Variants in RCL1 observed in about 807,000 individuals in gnomAD.
The protein encoded by RCL1 is RNA terminal phosphate cyclase like 1.
Under a neutral mutation model 42.4 loss-of-function variants are expected in RCL1, and 24 were observed. The ratio of observed to expected loss-of-function variants is 0.57; its 90% confidence interval spans 0.41 to 0.80. The LOEUF is 0.80. RCL1 is among the 30% of genes least tolerant of loss of function. The probability of loss-of-function intolerance (pLI) is 0.00; values close to 1 mark genes in which losing one functional copy is unlikely to be tolerated. For synonymous variants in RCL1, 228 were observed against 177.3 expected (o/e 1.29, Z -2.27); for missense variants, 578 against 467.9 (o/e 1.24, Z -2.17).
intron 8 of RCL1, among the ~76,000 whole-genome samples, chr9:4,853,703 G>C (rs191495329): frequency 6.6e-6 from 1 of 152,286 alleles, no homozygotes; most frequent in Non-Finnish European, 1.5e-5. Context: ...AGGATGCCAT[G>C]CTACATCTTT....
At chr9:4,812,418 C>G (rs1165906882) in intron 1 of RCL1, among the ~76,000 whole-genome samples, 1 of 151,752 alleles carries the variant, frequency 6.6e-6, no homozygotes, top group African/African-American at 2.4e-5. Context: ...TTCCCAGGAC[C>G]ATTATGTATA....
At chr9:4,808,480 G>GT (rs1480581513) in intron 1 of RCL1, among the ~76,000 whole-genome samples, 3 of 151,862 alleles carry the variant, frequency 2.0e-5, no homozygotes, top group Non-Finnish European at 4.4e-5. Context: ...GCTAATTTTT[G>GT]TATTTTTTGT....
chr9:4,795,878 A>G (rs929943924), intron 1 of RCL1, among the ~76,000 whole-genome samples: 1 of 152,168 alleles, frequency 6.6e-6, no homozygotes, highest in African/African-American at 2.4e-5. Flanking sequence ...CCCTGTTCTC[A>G]TGGAGCTTGT....
chr9:4,823,369 A>G (rs1816657475), intron 1 of RCL1, among the ~76,000 whole-genome samples, 179 bp from the exon 2 acceptor site: 2 of 150,672 alleles, frequency 1.3e-5, no homozygotes, highest in Non-Finnish European at 2.9e-5. Context: ...GTGCTTTTCA[A>G]CTGCGTCAGG....
At position 4,841,335 on chromosome 9, in the gene RCL1, A is replaced by G. The variant is rs529646754; in HGVS notation, c.688A>G (p.Met230Val). ...TGATATCTATATTTACACAGATCAC[A>G]TGAAAGGAGTCAACTCTGGGAAGTA... ...IPDIYIYTDHMKGVNSGKSPG... is the reference protein window; with the variant it reads ...IPDIYIYTDHVKGVNSGKSPG... The change falls in exon 6 of 9, where the codon ATG becomes GTG. Residue 230 changes from methionine to valine, a missense_variant. Coordinates refer to ENST00000381750, the MANE Select transcript of RCL1 (RefSeq NM_005772.5). The G allele has an allele frequency of 1.2e-6, 2 of 1,613,030 alleles. No homozygotes were observed. Among genetic ancestry groups the G allele is most frequent in the Admixed American group, 1.7e-5 (1 of 59,994 alleles).
chr9:4,832,805 C>CAAA lies in RCL1; in HGVS notation c.385-326_385-324dup, dbSNP rs34915834. On this transcript the variant is annotated intron_variant, in intron 3 of 8. Transcript: ENST00000381750. ...CCTGGTGACAGAGCGAGATTCCACTCAAAAAAAAAAAAAAAAAAAAAAAAA... is the reference window on the plus strand; with the variant it reads ...CCTGGTGACAGAGCGAGATTCCACTCAAAAAAAAAAAAAAAAAAAAAAAAAAAA... 2.3e-3 allele frequency among the ~76,000 whole-genome samples: 88 copies of CAAA among 39,076 alleles called. 1 individual carries two copies. The highest frequency in any genetic ancestry group is 0.014 in the Middle Eastern group (1 of 74). 25.6% of individuals were successfully genotyped at this position (39,076 alleles called of 152,430 possible). A position where few individuals can be genotyped will look rare whatever the true frequency, so the allele number is the denominator to read the frequency against.
At chr9:4,801,784 T>C (rs376997163) in intron 1 of RCL1, among the ~76,000 whole-genome samples, 13 of 151,930 alleles carry the variant, frequency 8.6e-5, no homozygotes, top group African/African-American at 2.9e-4. Context: ...AAACGGCATC[T>C]TTTTTCCATT....
At chr9:4,805,544 C>G (rs1234609032) in intron 1 of RCL1, among the ~76,000 whole-genome samples, 1 of 152,200 alleles carries the variant, frequency 6.6e-6, no homozygotes, top group Non-Finnish European at 1.5e-5. Context: ...GAAAACTAAA[C>G]TCTTATAGAA....
chr9:4,827,247 G>A lies in RCL1; in HGVS notation c.384+214G>A, dbSNP rs147676956. 1.4e-5 allele frequency: 21 copies of A among 1,483,210 alleles called. No individual in the cohort carries two copies. The East Asian group carries it at 4.7e-4, about 33-fold the overall frequency. 91.9% of individuals were successfully genotyped at this position (1,483,210 alleles called of 1,614,324 possible). ...CAGGACTATTGTTAACAGTTACCAA[G>A]GTGCCTTTTGTTGTTACCTAAGAAC... On this transcript the variant is annotated intron_variant, in intron 3 of 8. Transcript: ENST00000381750.
At chr9:4,809,398 C>G (rs1337998972) in intron 1 of RCL1, among the ~76,000 whole-genome samples, 1 of 152,044 alleles carries the variant, frequency 6.6e-6, no homozygotes, top group Non-Finnish European at 1.5e-5. Context: ...CAACCTCCGC[C>G]TCCTGGATTC....
Position 4,793,192 on chromosome 9 carries a change from A to G in RCL1, c.101A>G (p.Lys34Arg). 1 of 1,609,210 alleles carries G rather than the reference A, an allele frequency of 6.2e-7. No individual in the cohort carries two copies. The highest frequency in any genetic ancestry group is 8.5e-7 in the Non-Finnish European group (1 of 1,177,828). The stretch of plus-strand genomic sequence containing the variant: ...AGCGGGCGCCCCGTCAAAATCCGAA[A>G]GATTCGGGCCAGAGACGACAACCCG... ...TLSGRPVKIR[K>R]IRARDDNPGL... Residue 34 changes from lysine (K) to arginine (R), a missense_variant, in exon 1 of 9, where the codon AAG becomes AGG. Lys to Arg is a conservative substitution (Grantham distance 26). Transcript: ENST00000381750.
At chr9:4,859,010 C>T (rs1818063613) in intron 8 of RCL1, among the ~76,000 whole-genome samples, 1 of 152,160 alleles carries the variant, frequency 6.6e-6, no homozygotes, top group African/African-American at 2.4e-5. Flanking sequence ...ATTCTGGGCT[C>T]TTCCATATGG....
Position 4,841,451 on chromosome 9 carries a change from C to T in RCL1, c.710+94C>T, listed in dbSNP as rs1008242462. On this transcript the variant is annotated intron_variant, in intron 6 of 8. Coordinates refer to ENST00000381750, the MANE Select transcript of RCL1 (RefSeq NM_005772.5). ...ACTGCCAGCTCTGAGGTTGCGCAGC[C>T]AGAGGAAGAACAATTTCAGAATTAA... 1.5e-5 allele frequency: 14 copies of T among 949,146 alleles called. 1 individual carries two copies. The highest frequency in any genetic ancestry group is 4.9e-5 in the African/African-American group (3 of 61,022). The allele number at this position is 949,146 out of a possible 1,614,324, so 58.8% of individuals were successfully genotyped here.
Position 4,823,593 on chromosome 9 carries a change from G to T in RCL1, c.182G>T (p.Gly61Val), listed in dbSNP as rs1281686301. Residue 61 changes from glycine to valine, a missense_variant, in exon 2 of 9, where the codon GGT becomes GTT. Gly to Val is a moderately radical substitution (Grantham distance 109). Coordinates refer to ENST00000381750, the MANE Select transcript of RCL1 (RefSeq NM_005772.5). ...AGGCTATTGGACAAAATAACGAATG[G>T]TTCTCGAATTGAAATAAACCAAACA... ...FIRLLDKITN[G>V]SRIEINQTGT... 1 of 1,611,274 alleles carries T rather than the reference G, an allele frequency of 6.2e-7. No individual in the cohort carries two copies. Among genetic ancestry groups the T allele is most frequent in the Non-Finnish European group, 8.5e-7 (1 of 1,178,798 alleles).
chr9:4,806,723 G>GT (rs61090378), intron 1 of RCL1, among the ~76,000 whole-genome samples: 7,857 of 147,026 alleles, frequency 0.053, 346 homozygotes, highest in African/African-American at 0.12. Flanking sequence ...TTGCTCTGTA[G>GT]TTTTTTTTTT....
intron 1 of RCL1, 146 bp from the exon 2 acceptor site, chr9:4,823,402 C>T: frequency 1.1e-5 from 6 of 558,300 alleles, no homozygotes; most frequent in Non-Finnish European, 1.9e-5. Context: ...TGAACCTACC[C>T]AGTCCTTTAG....
intron 1 of RCL1, among the ~76,000 whole-genome samples, chr9:4,819,707 T>C (rs1051253480): frequency 2.0e-5 from 3 of 152,202 alleles, no homozygotes; most frequent in African/African-American, 7.2e-5. Flanking sequence ...CTCGGGAGGC[T>C]GAGGCAAGAG....
intron 1 of RCL1, among the ~76,000 whole-genome samples, chr9:4,797,092 G>A (rs1842925042): frequency 6.6e-6 from 1 of 152,138 alleles, no homozygotes; most frequent in Non-Finnish European, 1.5e-5. Flanking sequence ...TACGAGTTCT[G>A]CCTTTCGCTA....
At chr9:4,842,951 A>G (rs147167307) in intron 6 of RCL1, among the ~76,000 whole-genome samples, 1 of 152,182 alleles carries the variant, frequency 6.6e-6, no homozygotes, top group African/African-American at 2.4e-5. Flanking sequence ...TTGTTATACC[A>G]CTGACTCAGC....
Sources: allele counts gnomAD v4.1 joint callset (sites outside exome capture counted in the v4.1 genomes callset), GRCh38; gene constraint gnomAD v4.1.1; transcripts MANE v1.5; gene names NCBI Gene and HGNC (gene_info 2026-07-23, HGNC 2026-07-21).